Variants in RPS6KA3 observed in about 807,000 individuals in gnomAD.
RPS6KA3 encodes ribosomal protein S6 kinase A3.
RPS6KA3 carries 4 observed loss-of-function variants against 67.2 expected under a neutral mutation model. The observed-to-expected ratio is 0.06, with a 90% CI of 0.03 to 0.14. The LOEUF is 0.14. Among genes scored for constraint, RPS6KA3 ranks in the 10% least tolerant of loss-of-function variants. The probability of loss-of-function intolerance (pLI) is 1.00; values close to 1 mark genes in which losing one functional copy is unlikely to be tolerated. For synonymous variants in RPS6KA3, 182 were observed against 183.7 expected (o/e 0.99, Z 0.07); for missense variants, 204 against 559.0 (o/e 0.36, Z 6.40).
chrX:20,200,817 G>C (rs968252399), intron 4 of RPS6KA3, among the ~76,000 whole-genome samples: 2 of 110,586 alleles, frequency 1.8e-5, no homozygotes, highest in Non-Finnish European at 3.8e-5. Flanking sequence ...CAGTCAGCTG[G>C]GACGACAGGC....
chrX:20,191,401 G>A (rs1280755757), intron 7 of RPS6KA3, among the ~76,000 whole-genome samples: 1 of 111,475 alleles, frequency 9.0e-6, no homozygotes. Context: ...TGGGATTGCT[G>A]GGTCAAACGG....
intron 17 of RPS6KA3, among the ~76,000 whole-genome samples, chrX:20,165,869 C>T (rs1053279875): frequency 9.0e-6 from 1 of 110,958 alleles, no homozygotes; most frequent in African/African-American, 3.3e-5. Flanking sequence ...TTATCCGTGG[C>T]GTATATGTTT....
At chrX:20,228,112 G>A (rs950649774) in intron 2 of RPS6KA3, among the ~76,000 whole-genome samples, 11 of 111,391 alleles carry the variant, frequency 9.9e-5, no homozygotes, top group Admixed American at 9.5e-5. Context: ...TTTTTCTTGG[G>A]GAATCAATTT....
At chrX:20,227,856 G>A (rs2069162164) in intron 2 of RPS6KA3, among the ~76,000 whole-genome samples, 1 of 110,498 alleles carries the variant, frequency 9.0e-6, no homozygotes, top group South Asian at 3.8e-4. Flanking sequence ...GTTTCTTATG[G>A]TATTTCTTTC....
intron 8 of RPS6KA3, among the ~76,000 whole-genome samples, 175 bp from the exon 9 acceptor site, chrX:20,188,145 C>T (rs2068032887): frequency 8.9e-6 from 1 of 111,907 alleles, no homozygotes; most frequent in African/African-American, 3.3e-5. Context: ...GCCATCTTGG[C>T]TCACTGTATC....
chrX:20,204,029 T>G lies in RPS6KA3; in HGVS notation c.318A>C (p.Thr106=), dbSNP rs1441530065. 1 of 1,200,440 alleles carries G rather than the reference T, an allele frequency of 8.3e-7. No individual in the cohort carries two copies. Among genetic ancestry groups the G allele is most frequent in the South Asian group, 1.8e-5 (1 of 56,748 alleles). The change falls in exon 4 of 22, where the codon ACA becomes ACC. Residue 106 remains threonine, a synonymous_variant. Transcript: ENST00000379565. The part of the protein sequence containing the change: ...LYAMKVLKKA[T]LKVRDRVRTK... ...AATAGCAGCAACACTTACCTTTCAG[T>G]GTGGCCTTCTTCAATACCTTCATGG...
intron 1 of RPS6KA3, among the ~76,000 whole-genome samples, chrX:20,249,668 G>C (rs1477445072): frequency 8.9e-6 from 1 of 112,017 alleles, no homozygotes; most frequent in African/African-American, 3.2e-5. Context: ...GCTGAGTTTT[G>C]AGAGTTCTTT....
chrX:20,253,910 G>A (rs1438878095), intron 1 of RPS6KA3, among the ~76,000 whole-genome samples: 2 of 110,764 alleles, frequency 1.8e-5, no homozygotes, highest in South Asian at 3.9e-4. Flanking sequence ...AAGAGCTGGC[G>A]GGGGAGGGGA....
Position 20,176,901 on chromosome X carries a change from T to C in RPS6KA3, c.934+95A>G, listed in dbSNP as rs563291206. On this transcript the variant is annotated intron_variant, in intron 11 of 21. Coordinates refer to ENST00000379565, the MANE Select transcript of RPS6KA3 (RefSeq NM_004586.3). ...GCCACCAGGCCTAGCCTTGTCTAAA[T>C]AGTTAATAATTCCACCACAAAACAA... is the stretch of plus-strand genomic sequence containing the variant. The C allele has an allele frequency of 2.1e-4, 143 of 679,092 alleles. 1 individual carries two copies. The South Asian group carries it at 3.0e-3, about 14-fold the overall frequency. The allele number at this position is 679,092 out of a possible 1,213,427, so 56.0% of individuals were successfully genotyped here.
chrX:20,249,666 T>G (rs1191338802), intron 1 of RPS6KA3, among the ~76,000 whole-genome samples: 2 of 112,341 alleles, frequency 1.8e-5, no homozygotes, highest in Admixed American at 1.9e-4. Flanking sequence ...TTGCTGAGTT[T>G]TGAGAGTTCT....
chrX:20,266,451 G>T (rs2070387877), intron 1 of RPS6KA3, 113 bp downstream of exon 1: 1 of 624,653 alleles, frequency 1.6e-6, no homozygotes, highest in Non-Finnish European at 2.5e-6. Flanking sequence ...GAGCCCGGGG[G>T]AAAGACGCGA....
chrX:20,195,053 G>T lies in RPS6KA3; in HGVS notation c.406+12C>A, dbSNP rs369190716. ...AGGTCAAGGGATGATGTGGGAGACG[G>T]CTCATACTTACCATAATGCAACTTG... is the stretch of plus-strand genomic sequence containing the variant. On this transcript the variant is annotated intron_variant, in intron 5 of 21. Coordinates refer to ENST00000379565, the MANE Select transcript of RPS6KA3 (RefSeq NM_004586.3). 2.4e-4 allele frequency: 264 copies of T among 1,114,980 alleles called. 1 individual carries two copies. Among genetic ancestry groups the T allele is most frequent in the Non-Finnish European group, 2.9e-4 (231 of 809,383 alleles). The allele number at this position is 1,114,980 out of a possible 1,213,427, so 91.9% of individuals were successfully genotyped here.
At chrX:20,165,149 T>C in intron 17 of RPS6KA3, 89 bp from the exon 18 acceptor site, 1 of 695,327 alleles carries the variant, frequency 1.4e-6, no homozygotes, top group Non-Finnish European at 2.3e-6. Context: ...GCAATGCACT[T>C]AACAAGATGA....
chrX:20,165,465 A>G (rs2067410821), intron 17 of RPS6KA3, among the ~76,000 whole-genome samples: 1 of 111,590 alleles, frequency 9.0e-6, no homozygotes, highest in Non-Finnish European at 1.9e-5. Flanking sequence ...GAGCTTACAC[A>G]GTTCTGGGGG....
At chrX:20,170,681 G>A (rs2067550799) in intron 15 of RPS6KA3, among the ~76,000 whole-genome samples, 1 of 108,551 alleles carries the variant, frequency 9.2e-6, no homozygotes, top group East Asian at 2.9e-4. Flanking sequence ...GCGCAATCAC[G>A]GCTCACTGCA....
intron 2 of RPS6KA3, among the ~76,000 whole-genome samples, chrX:20,234,310 T>C (rs2069350668): frequency 9.0e-6 from 1 of 111,066 alleles, no homozygotes; most frequent in African/African-American, 3.3e-5. Flanking sequence ...CTACTAAAAT[T>C]ACAAAAATTC....
intron 1 of RPS6KA3, among the ~76,000 whole-genome samples, chrX:20,252,505 A>G (rs1337414040): frequency 9.1e-6 from 1 of 110,157 alleles, no homozygotes; most frequent in Non-Finnish European, 1.9e-5. Flanking sequence ...TCACCCAGGC[A>G]AAAGTGGAGC....
intron 1 of RPS6KA3, among the ~76,000 whole-genome samples, chrX:20,238,879 G>C (rs181120385): frequency 9.0e-6 from 1 of 111,297 alleles, no homozygotes; most frequent in Non-Finnish European, 1.9e-5. Flanking sequence ...TGAGCACAGA[G>C]TTACTTCTAC....
rs777569267 is a variant in RPS6KA3 at position 20,234,806 on chromosome X, C to T, written c.78G>A (p.Gln26=). 2 of 1,198,849 alleles carry T rather than the reference C, an allele frequency of 1.7e-6. No individual in the cohort carries two copies. The highest frequency in any genetic ancestry group is 3.5e-5 in the South Asian group (2 of 56,697). The part of the protein sequence containing the change: ...ESPSDSAENG[Q]QIMDEPMGEE... Reference sequence around the variant, plus strand: ...CTCCCATAGGTTCATCCATAATTTGCTGTCCATTCTGTGAAAAGCACAGCA... The same window carrying T: ...CTCCCATAGGTTCATCCATAATTTGTTGTCCATTCTGTGAAAAGCACAGCA... The change falls in exon 2 of 22, where the codon CAG becomes CAA. Residue 26 remains glutamine (Q), a synonymous_variant. Coordinates refer to ENST00000379565, the MANE Select transcript of RPS6KA3 (RefSeq NM_004586.3).
Sources: gnomAD v4.1 joint callset for allele counts (sites outside exome capture counted in the v4.1 genomes callset) on GRCh38, gnomAD v4.1.1 for gene constraint, MANE v1.5 for transcripts, NCBI Gene and HGNC (gene_info 2026-07-23, HGNC 2026-07-21) for gene names.